The following LAMA1 variants were observed in gnomAD, a reference collection of about 807,000 sequenced individuals.
LAMA1 encodes laminin subunit alpha 1, also known as laminin subunit alpha-1.
Under a neutral mutation model 348.7 loss-of-function variants are expected in LAMA1, and 219 were observed. That is an observed-to-expected ratio of 0.63 (90% CI 0.56 to 0.70). The LOEUF (loss-of-function observed/expected upper bound fraction) is 0.70, where lower values mean the gene tolerates loss of function less well. LAMA1 is among the 30% of genes least tolerant of loss of function. The probability of loss-of-function intolerance (pLI) is 0.00; values close to 1 mark genes in which losing one functional copy is unlikely to be tolerated. For synonymous variants in LAMA1, 1,487 were observed against 1,491.0 expected (o/e 1.00, Z 0.06); for missense variants, 3,744 against 3,888.0 (o/e 0.96, Z 0.99).
chr18:7,064,663 T>C (rs377173807), intron 3 of LAMA1, among the ~76,000 whole-genome samples: 5 of 152,204 alleles, frequency 3.3e-5, no homozygotes, highest in African/African-American at 4.8e-5. Flanking sequence ...ATAAGACTGA[T>C]ACAAGACTGG....
intron 41 of LAMA1, among the ~76,000 whole-genome samples, 177 bp from the exon 42 acceptor site, chr18:6,980,814 G>A (rs746991444): frequency 6.6e-6 from 1 of 152,162 alleles, no homozygotes; most frequent in Non-Finnish European, 1.5e-5. Flanking sequence ...AAGAGTATGG[G>A]CCAGGCGCGA....
intron 41 of LAMA1, among the ~76,000 whole-genome samples, chr18:6,981,437 C>T (rs918539172): frequency 6.6e-6 from 1 of 152,306 alleles, no homozygotes; most frequent in African/African-American, 2.4e-5. Flanking sequence ...TGGAACTCAA[C>T]TCAACCTCCT....
intron 29 of LAMA1, among the ~76,000 whole-genome samples, chr18:7,003,372 T>A (rs1030002038): frequency 7.2e-5 from 11 of 151,910 alleles, no homozygotes; most frequent in Admixed American, 7.2e-4. Context: ...TGCCTCAGCC[T>A]CCCGAGTAGC....
intron 31 of LAMA1, 89 bp downstream of exon 31, chr18:6,999,822 G>C (rs1437855699): frequency 7.6e-7 from 1 of 1,310,126 alleles, no homozygotes; most frequent in Non-Finnish European, 1.1e-6. Context: ...ATTGATAATG[G>C]CTCCCAGATT....
At chr18:6,987,415 G>A (rs2057740064) in intron 36 of LAMA1, among the ~76,000 whole-genome samples, 1 of 152,142 alleles carries the variant, frequency 6.6e-6, no homozygotes, top group Non-Finnish European at 1.5e-5. Context: ...TTTCATAAAA[G>A]CTTTCAAATT....
At chr18:7,001,710 A>G (rs1264114891) in intron 30 of LAMA1, among the ~76,000 whole-genome samples, 1 of 152,226 alleles carries the variant, frequency 6.6e-6, no homozygotes, top group Non-Finnish European at 1.5e-5. Flanking sequence ...TTTTCATTTG[A>G]TCCAAAGAGG....
At chr18:7,080,215 A>G (rs1005012273) in intron 2 of LAMA1, 72 bp downstream of exon 2, 18 of 1,603,906 alleles carry the variant, frequency 1.1e-5, no homozygotes, top group Middle Eastern at 2.0e-4. Flanking sequence ...GCTTCCTAAC[A>G]GAAGTCTCAG....
At chr18:6,962,171 C>T in intron 51 of LAMA1, 112 bp from the exon 52 acceptor site, 1 of 766,604 alleles carries the variant, frequency 1.3e-6, no homozygotes, top group African/African-American at 1.7e-5. Context: ...CCTGTAATCC[C>T]AGCACTTTGG....
At chr18:6,978,049 G>A (rs773693843) in intron 43 of LAMA1, 147 bp downstream of exon 43, 338 of 1,286,902 alleles carry the variant, frequency 2.6e-4, no homozygotes, top group Non-Finnish European at 3.5e-4. Flanking sequence ...CATTTCCCAA[G>A]GTCCTTCTCT....
intron 1 of LAMA1, among the ~76,000 whole-genome samples, chr18:7,082,687 C>T (rs553287709): frequency 6.7e-4 from 102 of 152,244 alleles, no homozygotes; most frequent in African/African-American, 2.0e-3. Context: ...TAAACTATAG[C>T]GTTTTGTCCA....
chr18:7,002,593 T>A (rs2057812923), intron 29 of LAMA1, among the ~76,000 whole-genome samples: 1 of 152,198 alleles, frequency 6.6e-6, no homozygotes, highest in Non-Finnish European at 1.5e-5. Context: ...GCTGCATTCA[T>A]CCACTACAGC....
chr18:7,090,368 A>G lies in LAMA1; in HGVS notation c.62-9911T>C, dbSNP rs79843309. On this transcript the variant is annotated intron_variant, in intron 1 of 62. Transcript: ENST00000389658. Reference sequence around the variant, plus strand: ...ATTTAAAATAACCAGTAGTTATTTTATGACTCTAATAAAGAGATCTCTAAC... The same window carrying G: ...ATTTAAAATAACCAGTAGTTATTTTGTGACTCTAATAAAGAGATCTCTAAC... Among the ~76,000 whole-genome samples, 132 of 152,326 alleles carry G rather than the reference A, an allele frequency of 8.7e-4. 1 individual carries two copies. In the East Asian group the frequency reaches 0.023, roughly 27 times the overall value.
At chr18:6,965,678 C>A in intron 49 of LAMA1, 1 of 522,948 alleles carries the variant, frequency 1.9e-6, no homozygotes, top group Non-Finnish European at 3.4e-6. Flanking sequence ...GAAGTGGAAT[C>A]TCCTCGTATC....
Position 7,013,910 on chromosome 18 carries a change from A to G in LAMA1, c.3268T>C (p.Cys1090Arg). ...GACGTCCCCCTCAGGTCACAGTCACAGGGAACACAGTCGGGAAAGTCTCTG... is the reference window on the plus strand; with the variant it reads ...GACGTCCCCCTCAGGTCACAGTCACGGGGAACACAGTCGGGAAAGTCTCTG... ...GYRDFPDCVPCDCDLRGTSGD... is the reference protein window; with the variant it reads ...GYRDFPDCVPRDCDLRGTSGD... Residue 1090 changes from cysteine (C) to arginine (R), a missense_variant, in exon 23 of 63, where the codon TGT becomes CGT. Transcript: ENST00000389658. The G allele has an allele frequency of 6.2e-7, 1 of 1,613,570 alleles. No individual in the cohort carries two copies.
intron 53 of LAMA1, chr18:6,959,954 A>C: frequency 3.9e-6 from 1 of 253,380 alleles, no homozygotes; most frequent in South Asian, 4.8e-5. Flanking sequence ...TTTTTTCGAC[A>C]CATTGAAAAG....
chr18:7,048,938 T>G (rs1253898470), intron 5 of LAMA1, 140 bp downstream of exon 5: 1 of 800,876 alleles, frequency 1.2e-6, no homozygotes, highest in African/African-American at 1.7e-5. Context: ...TTACATGAAA[T>G]AAGGATACAG....
rs1326475823 is a variant in LAMA1, at chr18:6,975,040, G to C, written c.6490-4C>G. The C allele has an allele frequency of 1.2e-6, 2 of 1,613,430 alleles. No homozygotes were observed. The highest frequency in any genetic ancestry group is 1.3e-5 in the African/African-American group (1 of 75,008). ...TCTCCACTGCAAGGAAATCAGACTG[G>C]GGGGCGAGGAATGAACGGGGATCAG... is the stretch of plus-strand genomic sequence containing the variant. On this transcript the variant is annotated splice_region_variant and splice_polypyrimidine_tract_variant and intron_variant, in intron 45 of 62. Coordinates refer to ENST00000389658, the MANE Select transcript of LAMA1 (RefSeq NM_005559.4).
chr18:6,999,791 T>A, intron 31 of LAMA1, 120 bp downstream of exon 31: 2 of 1,183,994 alleles, frequency 1.7e-6, no homozygotes, highest in Non-Finnish European at 2.5e-6. Flanking sequence ...CTTATTTCAA[T>A]CAAGCACATC....
In LAMA1 at chr18:6,950,772, G is replaced by A. The variant is rs753610979; in HGVS notation, c.8397+10C>T. The A allele has an allele frequency of 2.5e-6, 4 of 1,613,712 alleles. No homozygotes were observed. Among genetic ancestry groups the A allele is most frequent in the African/African-American group, 1.3e-5 (1 of 74,914 alleles). On this transcript the variant is annotated intron_variant, in intron 58 of 62. Coordinates refer to ENST00000389658, the MANE Select transcript of LAMA1 (RefSeq NM_005559.4). Reference sequence around the variant, plus strand: ...CAGAAGCAGCCACCACAAGCCTCCTGAGATCGTACCGTGTGCCACTTGCCA... The same window carrying A: ...CAGAAGCAGCCACCACAAGCCTCCTAAGATCGTACCGTGTGCCACTTGCCA...
Sources: gnomAD v4.1 joint callset for allele counts (sites outside exome capture counted in the v4.1 genomes callset) on GRCh38, gnomAD v4.1.1 for gene constraint, MANE v1.5 for transcripts, NCBI Gene and HGNC (gene_info 2026-07-23, HGNC 2026-07-21) for gene names.